SERGEF: variants seen among roughly 807,000 people sequenced by gnomAD.
SERGEF encodes secretion regulating guanine nucleotide exchange factor, also known as secretion-regulating guanine nucleotide exchange factor.
Under a neutral mutation model 50.0 loss-of-function variants are expected in SERGEF, and 51 were observed. The observed-to-expected ratio is 1.02, with a 90% CI of 0.81 to 1.29. The LOEUF (loss-of-function observed/expected upper bound fraction) is 1.29, where lower values mean the gene tolerates loss of function less well. Among genes scored for constraint, SERGEF ranks in the 50% most tolerant of loss-of-function variants. The probability of loss-of-function intolerance (pLI) is 0.00; values close to 1 mark genes in which losing one functional copy is unlikely to be tolerated. For synonymous variants in SERGEF, 205 were observed against 212.4 expected (o/e 0.97, Z 0.30); for missense variants, 521 against 557.0 (o/e 0.94, Z 0.65).
chr11:17,848,819 C>T (rs752044038), intron 10 of SERGEF, among the ~76,000 whole-genome samples: 13 of 152,170 alleles, frequency 8.5e-5, no homozygotes, highest in Admixed American at 2.0e-4. Context: ...GAATGGACAT[C>T]TTCAAGGCTC....
At chr11:17,905,099 T>C (rs1851813419) in intron 9 of SERGEF, among the ~76,000 whole-genome samples, 1 of 152,252 alleles carries the variant, frequency 6.6e-6, no homozygotes, top group African/African-American at 2.4e-5. Flanking sequence ...CATTTCTGCA[T>C]TTCAGTTGTA....
intron 9 of SERGEF, among the ~76,000 whole-genome samples, chr11:17,886,574 C>A (rs1851433819): frequency 6.6e-6 from 1 of 151,886 alleles, no homozygotes; most frequent in South Asian, 2.1e-4. Context: ...CGAGATCATA[C>A]CACTGTACTC....
intron 7 of SERGEF, among the ~76,000 whole-genome samples, chr11:17,992,448 A>C (rs1372408750): frequency 1.3e-5 from 2 of 152,238 alleles, no homozygotes; most frequent in African/African-American, 4.8e-5. Flanking sequence ...TTAGACAGTT[A>C]CAATACACAC....
intron 10 of SERGEF, among the ~76,000 whole-genome samples, chr11:17,831,407 G>C (rs1308098117): frequency 6.6e-6 from 1 of 152,192 alleles, no homozygotes; most frequent in Non-Finnish European, 1.5e-5. Context: ...TCACAGGATG[G>C]GAGGCAAGTC....
At chr11:17,987,286 G>C (rs1044153885) in intron 8 of SERGEF, among the ~76,000 whole-genome samples, 1 of 152,192 alleles carries the variant, frequency 6.6e-6, no homozygotes, top group African/African-American at 2.4e-5. Context: ...GTTTGATGCA[G>C]GAAAATGAGT....
chr11:17,862,687 G>T (rs1440828241), intron 10 of SERGEF, among the ~76,000 whole-genome samples: 1 of 152,212 alleles, frequency 6.6e-6, no homozygotes, highest in Non-Finnish European at 1.5e-5. Flanking sequence ...AGCATAAGCT[G>T]AGGCCTGTGG....
chr11:17,962,061 C>T (rs1051397129), intron 8 of SERGEF, among the ~76,000 whole-genome samples: 3 of 152,196 alleles, frequency 2.0e-5, no homozygotes, highest in South Asian at 2.1e-4. Flanking sequence ...ACCAAATAGT[C>T]GAATCAAGAT....
intron 9 of SERGEF, among the ~76,000 whole-genome samples, chr11:17,952,724 G>A (rs1852794498): frequency 6.6e-6 from 1 of 151,944 alleles, no homozygotes; most frequent in African/African-American, 2.4e-5. Flanking sequence ...CTCATCACCC[G>A]CTCACTCATT....
At chr11:17,875,810 C>T (rs549363062) in intron 10 of SERGEF, among the ~76,000 whole-genome samples, 2 of 152,330 alleles carry the variant, frequency 1.3e-5, no homozygotes, top group African/African-American at 4.8e-5. Flanking sequence ...AGTTTGGCTG[C>T]TTTATGTTCT....
At chr11:17,911,089 G>C (rs1321745433) in intron 9 of SERGEF, among the ~76,000 whole-genome samples, 1 of 152,036 alleles carries the variant, frequency 6.6e-6, no homozygotes, top group Non-Finnish European at 1.5e-5. Flanking sequence ...GAATAAGAGA[G>C]GAACATCAAC....
intron 10 of SERGEF, among the ~76,000 whole-genome samples, chr11:17,861,282 C>T (rs1483332945): frequency 2.6e-5 from 4 of 152,194 alleles, no homozygotes; most frequent in African/African-American, 9.6e-5. Flanking sequence ...CCACATAATT[C>T]GCTCCAATGA....
chr11:17,802,969 T>C (rs897249527), intron 10 of SERGEF, among the ~76,000 whole-genome samples: 3 of 152,264 alleles, frequency 2.0e-5, no homozygotes, highest in African/African-American at 7.2e-5. Flanking sequence ...CTCCAGCACT[T>C]AGAAAAGGTA....
intron 10 of SERGEF, among the ~76,000 whole-genome samples, chr11:17,876,137 G>A (rs1482534260): frequency 6.6e-6 from 1 of 152,198 alleles, no homozygotes; most frequent in Non-Finnish European, 1.5e-5. Flanking sequence ...TCCAGTGATG[G>A]AGAGCCTCTT....
chr11:17,996,769 T>C (rs572301986), intron 5 of SERGEF, among the ~76,000 whole-genome samples: 1 of 151,892 alleles, frequency 6.6e-6, no homozygotes, highest in Admixed American at 6.6e-5. Context: ...CAAAGCACAG[T>C]GTTGAAATAA....
intron 5 of SERGEF, among the ~76,000 whole-genome samples, chr11:17,996,811 G>C (rs1466749434): frequency 6.6e-6 from 1 of 150,480 alleles, no homozygotes; most frequent in East Asian, 1.9e-4. Context: ...AATTGACTTC[G>C]AGAGGAAAAA....
At chr11:17,947,658 C>G (rs1447954387) in intron 9 of SERGEF, among the ~76,000 whole-genome samples, 1 of 152,212 alleles carries the variant, frequency 6.6e-6, no homozygotes, top group Middle Eastern at 3.2e-3. Flanking sequence ...GCCCTTCAAC[C>G]TGGAAAACCA....
At chr11:17,864,803 G>C (rs1275959920) in intron 10 of SERGEF, among the ~76,000 whole-genome samples, 6 of 152,178 alleles carry the variant, frequency 3.9e-5, no homozygotes, top group Non-Finnish European at 7.3e-5. Flanking sequence ...CTTCTGAATA[G>C]CACAAGCTAA....
intron 9 of SERGEF, among the ~76,000 whole-genome samples, chr11:17,881,462 C>A (rs1851330302): frequency 1.3e-5 from 2 of 152,206 alleles, no homozygotes; most frequent in Admixed American, 1.3e-4. Context: ...CACTGAACAC[C>A]ACAGGCTGCA....
intron 9 of SERGEF, among the ~76,000 whole-genome samples, chr11:17,895,298 A>G (rs1565197365): frequency 6.6e-6 from 1 of 152,252 alleles, no homozygotes. Flanking sequence ...TCAATAATGA[A>G]GATAAGATGT....
Sources: allele counts gnomAD v4.1 joint callset (sites outside exome capture counted in the v4.1 genomes callset), GRCh38; gene constraint gnomAD v4.1.1; transcripts MANE v1.5; gene names NCBI Gene and HGNC (gene_info 2026-07-23, HGNC 2026-07-21).